Variants in ADGRB3 observed in about 807,000 individuals in gnomAD.
ADGRB3 encodes brain-specific angiogenesis inhibitor 3.
A neutral mutation model predicts 193.4 loss-of-function variants in ADGRB3; 37 were observed. That is an observed-to-expected ratio of 0.19 (90% confidence interval 0.15 to 0.25). ADGRB3 has a LOEUF of 0.25. Ranked by LOEUF, ADGRB3 falls within the 10% of genes least tolerant of loss-of-function variation. The pLI is 1.00. For synonymous variants in ADGRB3, 690 were observed against 644.2 expected (o/e 1.07, Z -1.08); for missense variants, 1,637 against 1,852.9 (o/e 0.88, Z 2.14).
intron 20 of ADGRB3, among the ~76,000 whole-genome samples, chr6:69,318,418 T>C (rs1768365665): frequency 1.3e-5 from 2 of 151,452 alleles, no homozygotes; most frequent in African/African-American, 2.4e-5. Context: ...CCTGCATTAC[T>C]GGACCCACTC....
chr6:68,638,550 G>C, intron 2 of ADGRB3, 111 bp from the exon 3 acceptor site: 1 of 1,123,734 alleles, frequency 8.9e-7, no homozygotes, highest in South Asian at 2.0e-5. Context: ...CTTTTAAAAA[G>C]GGCTTTTTAC....
chr6:68,747,802 T>A (rs1766113198), intron 3 of ADGRB3, among the ~76,000 whole-genome samples: 1 of 152,182 alleles, frequency 6.6e-6, no homozygotes, highest in Non-Finnish European at 1.5e-5. Flanking sequence ...GCAAAAATTC[T>A]CATTAGCAGT....
At chr6:69,197,415 C>CT (rs3839472) in intron 17 of ADGRB3, among the ~76,000 whole-genome samples, 75,001 of 149,500 alleles carry the variant, frequency 0.5, 20,351 homozygotes, top group African/African-American at 0.71. Context: ...TTACTAAAGA[C>CT]TTTTTTTTTT....
At chr6:69,002,516 C>G (rs1769611136) in intron 11 of ADGRB3, among the ~76,000 whole-genome samples, 1 of 152,090 alleles carries the variant, frequency 6.6e-6, no homozygotes, top group African/African-American at 2.4e-5. Context: ...TGCGCCCAGC[C>G]AAATCTTTTA....
intron 20 of ADGRB3, among the ~76,000 whole-genome samples, chr6:69,282,429 C>G (rs1247370918): frequency 2.0e-5 from 3 of 151,992 alleles, no homozygotes; most frequent in Non-Finnish European, 4.4e-5. Flanking sequence ...AATGAAGGCA[C>G]GGGAGAGTCT....
intron 3 of ADGRB3, among the ~76,000 whole-genome samples, chr6:68,773,486 GTTCA>G (rs1205671064): frequency 6.6e-6 from 1 of 152,092 alleles, no homozygotes; most frequent in Non-Finnish European, 1.5e-5. Context: ...GATAATTTGT[GTTCA>G]TTCATGCATT....
At chr6:69,042,798 T>C (rs1381258270) in intron 13 of ADGRB3, among the ~76,000 whole-genome samples, 4 of 152,230 alleles carry the variant, frequency 2.6e-5, no homozygotes, top group Non-Finnish European at 5.9e-5. Flanking sequence ...TTGTAAGTTG[T>C]TCCCTCTGTA....
chr6:69,031,681 C>G (rs1770714056), intron 13 of ADGRB3, among the ~76,000 whole-genome samples: 1 of 150,038 alleles, frequency 6.7e-6, no homozygotes, highest in Admixed American at 6.7e-5. Flanking sequence ...GTCACTCAGG[C>G]TGGAGTGCAG....
intron 11 of ADGRB3, among the ~76,000 whole-genome samples, chr6:68,995,876 C>G (rs970757080): frequency 6.6e-6 from 1 of 152,196 alleles, no homozygotes. Context: ...AATGATTTTT[C>G]TCTTATCTGA....
intron 20 of ADGRB3, among the ~76,000 whole-genome samples, 181 bp downstream of exon 20, chr6:69,239,407 C>T (rs1179444698): frequency 6.6e-6 from 1 of 151,580 alleles, no homozygotes; most frequent in Non-Finnish European, 1.5e-5. Context: ...GAATGTATAC[C>T]CTTGATTTAA....
At chr6:69,014,174 A>G in intron 12 of ADGRB3, 68 bp downstream of exon 12, 1 of 1,145,874 alleles carries the variant, frequency 8.7e-7, no homozygotes, top group African/African-American at 1.6e-5. Flanking sequence ...TGACTAAATT[A>G]ATGGCTTGCT....
intron 26 of ADGRB3, among the ~76,000 whole-genome samples, chr6:69,348,297 A>C (rs1769150017): frequency 6.6e-6 from 1 of 151,942 alleles, no homozygotes; most frequent in African/African-American, 2.4e-5. Flanking sequence ...GGATCCTCAC[A>C]CTGCCGTCCC....
chr6:69,174,843 GCT>G (rs1389169122), intron 17 of ADGRB3, among the ~76,000 whole-genome samples: 2 of 152,128 alleles, frequency 1.3e-5, no homozygotes, highest in Non-Finnish European at 2.9e-5. Flanking sequence ...TTGATTTGCA[GCT>G]CTCTGTTCAT....
rs78997513 is a variant in ADGRB3, at chr6:69,344,995, A to T, written c.3459+5491A>T. On this transcript the variant is annotated intron_variant, in intron 26 of 31. Transcript: ENST00000370598. ...AATTATGTGATCCTGGACCCTAGTG[A>T]TTTTTTTTTTTTTTAGAAAGCTATG... Among the ~76,000 whole-genome samples, 3 of 144,594 alleles carry T rather than the reference A, an allele frequency of 2.1e-5. No individual in the cohort carries two copies. In the East Asian group the frequency reaches 6.0e-4, roughly 29 times the overall value. 94.9% of individuals were successfully genotyped at this position (144,594 alleles called of 152,430 possible).
intron 3 of ADGRB3, among the ~76,000 whole-genome samples, chr6:68,863,342 T>C (rs1765207154): frequency 6.6e-6 from 1 of 152,088 alleles, no homozygotes; most frequent in Non-Finnish European, 1.5e-5. Flanking sequence ...TGGACCATAG[T>C]GTTTCTCATC....
chr6:69,084,721 G>T (rs1421660961), intron 17 of ADGRB3, among the ~76,000 whole-genome samples: 1 of 152,058 alleles, frequency 6.6e-6, no homozygotes, highest in Non-Finnish European at 1.5e-5. Flanking sequence ...AATAAAGTAT[G>T]ATAATAAAAA....
intron 3 of ADGRB3, among the ~76,000 whole-genome samples, chr6:68,720,148 G>A (rs568883479): frequency 6.6e-6 from 1 of 151,896 alleles, no homozygotes; most frequent in African/African-American, 2.4e-5. Context: ...CTATGGACCT[G>A]CTTTGGGGAA....
chr6:68,948,165 A>G (rs1767822680), intron 6 of ADGRB3, among the ~76,000 whole-genome samples: 1 of 152,164 alleles, frequency 6.6e-6, no homozygotes, highest in Admixed American at 6.5e-5. Flanking sequence ...ATTAGCTGAG[A>G]AAGAAGAATA....
chr6:69,370,815 T>A (rs2127339357), intron 29 of ADGRB3, among the ~76,000 whole-genome samples: 1 of 152,136 alleles, frequency 6.6e-6, no homozygotes, highest in South Asian at 2.1e-4. Flanking sequence ...CTGACAAAAA[T>A]GTCCTGCTTA....
Sources: allele counts gnomAD v4.1 joint callset (sites outside exome capture counted in the v4.1 genomes callset), GRCh38; gene constraint gnomAD v4.1.1; transcripts MANE v1.5; gene names NCBI Gene and HGNC (gene_info 2026-07-23, HGNC 2026-07-21).